The following THSD7B variants were observed in gnomAD, a reference collection of about 807,000 sequenced individuals.
THSD7B encodes the protein thrombospondin type-1 domain-containing protein 7B.
THSD7B carries 138 observed loss-of-function variants against 213.6 expected under a neutral mutation model. The ratio of observed to expected loss-of-function variants is 0.65; its 90% CI spans 0.56 to 0.74. THSD7B has a LOEUF of 0.74. Among genes scored for constraint, THSD7B ranks in the 30% least tolerant of loss-of-function variants. THSD7B has a pLI of 0.00. For missense variants in THSD7B, 1,931 were observed against 1,991.5 expected (o/e 0.97, Z 0.58); for synonymous variants, 742 against 687.0 (o/e 1.08, Z -1.25).
intron 21 of THSD7B, among the ~76,000 whole-genome samples, chr2:137,643,406 C>A (rs1011926313): frequency 1.3e-4 from 20 of 152,178 alleles, no homozygotes; most frequent in Admixed American, 8.5e-4. Context: ...GTGTTCCTGT[C>A]AGGATGACAT....
chr2:137,655,803 G>A, intron 22 of THSD7B, 143 bp downstream of exon 22: 2 of 1,111,410 alleles, frequency 1.8e-6, no homozygotes, highest in Non-Finnish European at 2.5e-6. Flanking sequence ...TTATCACTTT[G>A]GTATATACCT....
chr2:137,355,569 C>A (rs1287367922), intron 12 of THSD7B, among the ~76,000 whole-genome samples: 1 of 151,982 alleles, frequency 6.6e-6, no homozygotes, highest in African/African-American at 2.4e-5. Context: ...GAGAGGGGAC[C>A]AGAGTATCAT....
intron 12 of THSD7B, among the ~76,000 whole-genome samples, chr2:137,319,227 T>C (rs1300870225): frequency 2.0e-5 from 3 of 151,730 alleles, no homozygotes; most frequent in African/African-American, 4.8e-5. Context: ...ATATTTCTTT[T>C]TTTTTTTTTT....
chr2:137,586,880 C>T (rs971294450), intron 17 of THSD7B, among the ~76,000 whole-genome samples: 1 of 152,162 alleles, frequency 6.6e-6, no homozygotes. Flanking sequence ...TGAATGTTGG[C>T]CTGCCTTGCT....
chr2:137,381,874 C>G (rs549289679), intron 12 of THSD7B, among the ~76,000 whole-genome samples: 4 of 152,284 alleles, frequency 2.6e-5, no homozygotes, highest in Non-Finnish European at 5.9e-5. Flanking sequence ...GGGTGTAAAG[C>G]CTTTTCTGTT....
intron 1 of THSD7B, among the ~76,000 whole-genome samples, chr2:136,848,606 T>C (rs1683047498): frequency 6.6e-6 from 1 of 152,178 alleles, no homozygotes; most frequent in Admixed American, 6.6e-5. Flanking sequence ...CTGAATATAT[T>C]TGTGAGGGGC....
At chr2:137,125,767 A>G (rs1316204735) in intron 5 of THSD7B, among the ~76,000 whole-genome samples, 2 of 152,180 alleles carry the variant, frequency 1.3e-5, no homozygotes, top group African/African-American at 4.8e-5. Flanking sequence ...TGTCTATGGC[A>G]GGTGTAGCCT....
At chr2:137,040,613 T>C (rs1686864997) in intron 2 of THSD7B, among the ~76,000 whole-genome samples, 1 of 152,088 alleles carries the variant, frequency 6.6e-6, no homozygotes, top group Non-Finnish European at 1.5e-5. Context: ...CAAACTGGTC[T>C]CGAACTCCTG....
chr2:136,926,774 T>C (rs538164233), intron 2 of THSD7B, among the ~76,000 whole-genome samples: 11 of 152,104 alleles, frequency 7.2e-5, no homozygotes, highest in Non-Finnish European at 1.5e-4. Context: ...CTTTACTCAA[T>C]ATTTCTGTGA....
intron 12 of THSD7B, among the ~76,000 whole-genome samples, chr2:137,314,628 C>A (rs1383142224): frequency 1.3e-5 from 2 of 152,162 alleles, no homozygotes; most frequent in Non-Finnish European, 2.9e-5. Context: ...TTTTCCCCAT[C>A]TTTGTGGTTT....
Position 137,651,062 on chromosome 2 carries a change from T to G in THSD7B, c.3946-4439T>G, listed in dbSNP as rs562710813. Reference sequence around the variant, plus strand: ...ACTTTTGCTATGCCCGTTTCTGGTCTTGGATCAGGGAAAGCTGGCTTCATG... The same window carrying G: ...ACTTTTGCTATGCCCGTTTCTGGTCGTGGATCAGGGAAAGCTGGCTTCATG... On this transcript the variant is annotated intron_variant, in intron 21 of 27. Coordinates refer to ENST00000409968, the MANE Select transcript of THSD7B (RefSeq NM_001316349.2). 3.9e-5 allele frequency among the ~76,000 whole-genome samples: 6 copies of G among 152,302 alleles called. No homozygotes were observed. The East Asian group carries it at 1.2e-3, about 29-fold the overall frequency.
At chr2:137,142,885 C>T (rs2104965989) in intron 5 of THSD7B, among the ~76,000 whole-genome samples, 1 of 152,132 alleles carries the variant, frequency 6.6e-6, no homozygotes, top group East Asian at 1.9e-4. Flanking sequence ...GTGGAATATG[C>T]CTACACAGGC....
intron 17 of THSD7B, among the ~76,000 whole-genome samples, chr2:137,586,687 G>A (rs1397361196): frequency 6.6e-6 from 1 of 152,220 alleles, no homozygotes; most frequent in Non-Finnish European, 1.5e-5. Flanking sequence ...GGCTTGTAGA[G>A]TTTCTGCAGA....
At chr2:136,994,733 A>G (rs572936769) in intron 2 of THSD7B, among the ~76,000 whole-genome samples, 2 of 152,358 alleles carry the variant, frequency 1.3e-5, no homozygotes, top group South Asian at 4.1e-4. Flanking sequence ...CAACAAGTGT[A>G]AACAACTTGT....
chr2:137,219,861 A>C (rs1271411102), intron 7 of THSD7B, among the ~76,000 whole-genome samples: 1 of 152,158 alleles, frequency 6.6e-6, no homozygotes, highest in Non-Finnish European at 1.5e-5. Flanking sequence ...TATTTCAGCC[A>C]CAAGGTAATT....
At chr2:137,017,472 C>A (rs142585821) in intron 2 of THSD7B, among the ~76,000 whole-genome samples, 4 of 152,064 alleles carry the variant, frequency 2.6e-5, no homozygotes, top group Admixed American at 6.6e-5. Flanking sequence ...TGAAAGAGGG[C>A]GGAGCTTGGG....
chr2:137,501,858 A>G (rs1164959225), intron 15 of THSD7B, among the ~76,000 whole-genome samples: 3 of 152,232 alleles, frequency 2.0e-5, no homozygotes, highest in Non-Finnish European at 4.4e-5. Context: ...ACAGAAATCT[A>G]AGCAGGGCTT....
At chr2:137,407,561 T>C (rs1686555871) in intron 13 of THSD7B, among the ~76,000 whole-genome samples, 1 of 152,216 alleles carries the variant, frequency 6.6e-6, no homozygotes. Flanking sequence ...CTAATGCTTG[T>C]ATTTTGTTAT....
chr2:136,960,064 C>T (rs542438701), intron 2 of THSD7B, among the ~76,000 whole-genome samples: 1 of 152,260 alleles, frequency 6.6e-6, no homozygotes, highest in East Asian at 1.9e-4. Flanking sequence ...TTTGTGTATT[C>T]ATTCAGGAAC....
Sources: allele counts gnomAD v4.1 joint callset (sites outside exome capture counted in the v4.1 genomes callset), GRCh38; gene constraint gnomAD v4.1.1; transcripts MANE v1.5; gene names NCBI Gene and HGNC (gene_info 2026-07-23, HGNC 2026-07-21).